The following GSK3B variants were observed in gnomAD, a reference collection of about 807,000 sequenced individuals.
GSK3B encodes glycogen synthase kinase-3 beta.
A neutral mutation model predicts 56.4 loss-of-function variants in GSK3B; 15 were observed. The ratio of observed to expected loss-of-function variants is 0.27; its 90% CI spans 0.18 to 0.41. GSK3B has a LOEUF of 0.41. GSK3B is among the 10% of genes least tolerant of loss of function. The probability of loss-of-function intolerance (pLI) is 1.00; values close to 1 mark genes in which losing one functional copy is unlikely to be tolerated. For missense variants in GSK3B, 300 were observed against 513.4 expected (o/e 0.58, Z 4.02); for synonymous variants, 181 against 188.9 (o/e 0.96, Z 0.34).
chr3:120,020,662 T>C (rs1576276362), intron 1 of GSK3B, among the ~76,000 whole-genome samples: 1 of 151,508 alleles, frequency 6.6e-6, no homozygotes, highest in South Asian at 2.1e-4. Flanking sequence ...ATTAGGCCAA[T>C]TAATAAGCCT....
chr3:120,028,609 A>G, intron 1 of GSK3B: 1 of 300,918 alleles, frequency 3.3e-6, no homozygotes, highest in Admixed American at 3.6e-5. Flanking sequence ...TCCACTTTCT[A>G]GCCTTATGGA....
intron 1 of GSK3B, among the ~76,000 whole-genome samples, chr3:120,069,564 G>T (rs958784842): frequency 6.6e-6 from 1 of 151,718 alleles, no homozygotes; most frequent in Non-Finnish European, 1.5e-5. Flanking sequence ...CCATAATGTG[G>T]TATGTCCATC....
chr3:120,005,603 A>G (rs568725686), intron 1 of GSK3B, among the ~76,000 whole-genome samples: 6 of 152,364 alleles, frequency 3.9e-5, no homozygotes, highest in African/African-American at 1.4e-4. Context: ...AAGCCAGAAG[A>G]GAGTAGGGGG....
At chr3:120,068,933 C>G (rs1179262646) in intron 1 of GSK3B, among the ~76,000 whole-genome samples, 1 of 151,810 alleles carries the variant, frequency 6.6e-6, no homozygotes, top group Non-Finnish European at 1.5e-5. Flanking sequence ...TTGGGAGTAC[C>G]AGGTTCCCTA....
At chr3:120,027,712 T>C (rs1448635305) in intron 1 of GSK3B, among the ~76,000 whole-genome samples, 3 of 152,170 alleles carry the variant, frequency 2.0e-5, no homozygotes, top group East Asian at 1.9e-4. Flanking sequence ...TAGCTACAAA[T>C]TGCTATATAT....
chr3:120,070,044 C>T (rs973152009), intron 1 of GSK3B, among the ~76,000 whole-genome samples: 3 of 152,004 alleles, frequency 2.0e-5, no homozygotes, highest in African/African-American at 7.2e-5. Flanking sequence ...GAAACCCCGT[C>T]TATACTAAAA....
At chr3:119,856,850 T>C (rs2056029045) in intron 9 of GSK3B, among the ~76,000 whole-genome samples, 1 of 152,168 alleles carries the variant, frequency 6.6e-6, no homozygotes, top group South Asian at 2.1e-4. Context: ...CCATTATGAC[T>C]CACCTCAGAG....
intron 1 of GSK3B, among the ~76,000 whole-genome samples, chr3:120,068,683 G>C (rs928518024): frequency 6.6e-6 from 1 of 151,938 alleles, no homozygotes; most frequent in African/African-American, 2.4e-5. Flanking sequence ...CTGGGTGACA[G>C]AGTGAGGCCC....
chr3:119,964,597 CAG>C (rs2057302638), intron 2 of GSK3B, among the ~76,000 whole-genome samples: 1 of 151,966 alleles, frequency 6.6e-6, no homozygotes, highest in African/African-American at 2.4e-5. Context: ...TACTAGGAGA[CAG>C]GGGAGGAAGA....
intron 2 of GSK3B, among the ~76,000 whole-genome samples, chr3:119,980,542 T>C (rs2057450120): frequency 6.6e-6 from 1 of 152,124 alleles, no homozygotes. Context: ...TTAGTAGAGA[T>C]GGGGTTTCTC....
chr3:119,929,911 A>T lies in GSK3B; in HGVS notation c.367-6428T>A, dbSNP rs555508049. Reference sequence around the variant, plus strand: ...AGCGAAACTCTGCCTCAAAAAAAAAAAAAAAAAATAATAATAATAATTAGC... The same window carrying T: ...AGCGAAACTCTGCCTCAAAAAAAAATAAAAAAAATAATAATAATAATTAGC... On this transcript the variant is annotated intron_variant, in intron 3 of 10. Coordinates refer to ENST00000264235, the MANE Select transcript of GSK3B (RefSeq NM_001146156.2). Among the ~76,000 whole-genome samples the T allele has an allele frequency of 3.5e-3, 528 of 150,786 alleles. 11 individuals carry two copies. In the East Asian group the frequency reaches 0.072, roughly 21 times the overall value.
intron 1 of GSK3B, among the ~76,000 whole-genome samples, chr3:120,069,245 G>A (rs1035504855): frequency 1.3e-5 from 2 of 152,160 alleles, no homozygotes; most frequent in African/African-American, 4.8e-5. Context: ...ATTCTTAGAG[G>A]TCCCAATGAT....
intron 2 of GSK3B, among the ~76,000 whole-genome samples, chr3:119,984,612 A>T (rs2057496888): frequency 6.6e-6 from 1 of 152,174 alleles, no homozygotes; most frequent in Non-Finnish European, 1.5e-5. Flanking sequence ...CTAGAAAATC[A>T]AGAAGAAACA....
chr3:119,947,871 T>G (rs2057115424), intron 2 of GSK3B, among the ~76,000 whole-genome samples: 1 of 114,938 alleles, frequency 8.7e-6, no homozygotes, highest in East Asian at 2.3e-4. Context: ...AAACTCCATC[T>G]CAAAAAAAAA....
At chr3:120,079,350 A>AC (rs1491395281) in intron 1 of GSK3B, among the ~76,000 whole-genome samples, 38 of 96,542 alleles carry the variant, frequency 3.9e-4, no homozygotes, top group Admixed American at 8.8e-4. Context: ...ACACACACAC[A>AC]TTTTTTTTTT....
intron 2 of GSK3B, among the ~76,000 whole-genome samples, chr3:119,990,746 T>G (rs1398811414): frequency 6.6e-6 from 1 of 152,254 alleles, no homozygotes; most frequent in East Asian, 1.9e-4. Context: ...CTGACCAACA[T>G]GGTGAAACCC....
intron 1 of GSK3B, among the ~76,000 whole-genome samples, chr3:120,070,470 A>G (rs1241649383): frequency 6.6e-6 from 1 of 152,092 alleles, no homozygotes; most frequent in Non-Finnish European, 1.5e-5. Context: ...AGGACAATGA[A>G]GCTATAAAAA....
chr3:120,071,618 C>T (rs1020858390), intron 1 of GSK3B, among the ~76,000 whole-genome samples: 18 of 152,182 alleles, frequency 1.2e-4, no homozygotes, highest in African/African-American at 4.3e-4. Context: ...CTATCACTGT[C>T]TCCCCAGCAC....
At chr3:119,943,661 CAGAA>C (rs1200025606) in intron 3 of GSK3B, among the ~76,000 whole-genome samples, 2 of 151,684 alleles carry the variant, frequency 1.3e-5, no homozygotes, top group Non-Finnish European at 2.9e-5. Flanking sequence ...TAGAAGCAAT[CAGAA>C]AGAGAGTGGG....
Sources: gnomAD v4.1 joint callset for allele counts (sites outside exome capture counted in the v4.1 genomes callset) on GRCh38, gnomAD v4.1.1 for gene constraint, MANE v1.5 for transcripts, NCBI Gene and HGNC (gene_info 2026-07-23, HGNC 2026-07-21) for gene names.